IQCM: variants seen among roughly 807,000 people sequenced by gnomAD.
IQCM encodes IQ motif containing M.
IQCM carries 45 observed loss-of-function variants against 57.6 expected under a neutral mutation model. The observed-to-expected ratio is 0.78, with a 90% confidence interval of 0.62 to 1.00. The LOEUF is 1.00. Ranked by LOEUF, IQCM falls within the 50% of genes least tolerant of loss-of-function variation. The pLI is 0.00. For missense variants in IQCM, 468 were observed against 511.6 expected (o/e 0.91, Z 0.82); for synonymous variants, 148 against 158.9 (o/e 0.93, Z 0.51).
chr4:149,427,294 TTAAA>T (rs1430679745), intron 13 of IQCM, among the ~76,000 whole-genome samples: 2 of 151,992 alleles, frequency 1.3e-5, no homozygotes, highest in Non-Finnish European at 2.9e-5. Context: ...TTAATACTTG[TTAAA>T]TAAATAGATG....
intron 7 of IQCM, among the ~76,000 whole-genome samples, chr4:149,663,367 A>G (rs1204691833): frequency 6.6e-6 from 1 of 151,902 alleles, no homozygotes; most frequent in Non-Finnish European, 1.5e-5. Context: ...GAGCTTGATT[A>G]TGTATTTACC....
intron 12 of IQCM, 110 bp from the exon 13 acceptor site, chr4:149,433,667 C>T: frequency 2.4e-6 from 1 of 414,358 alleles, no homozygotes; most frequent in Non-Finnish European, 4.1e-6. Context: ...CAACAGGTCA[C>T]ACTGAAAACA....
At position 149,652,980 on chromosome 4, in the gene IQCM, A is replaced by C. The variant is rs186161127; in HGVS notation, c.565+29138T>G. Among the ~76,000 whole-genome samples the C allele has an allele frequency of 1.6e-4, 24 of 152,328 alleles. No individual in the cohort carries two copies. The East Asian group carries it at 4.4e-3, about 28-fold the overall frequency. On this transcript the variant is annotated intron_variant, in intron 7 of 13. Transcript: ENST00000636793. ...TAATCTTTTGAATAGCTAGGCAAAA[A>C]GAACAATCTGCCTATAAAAAGCAAA... is the stretch of plus-strand genomic sequence containing the variant.
intron 2 of IQCM, among the ~76,000 whole-genome samples, chr4:149,763,446 G>GAA (rs1277473298): frequency 6.6e-6 from 1 of 152,030 alleles, no homozygotes; most frequent in African/African-American, 2.4e-5. Context: ...AAGAGGCTTA[G>GAA]AAAAGCACAA....
At chr4:149,756,381 G>A (rs1480087589) in intron 2 of IQCM, among the ~76,000 whole-genome samples, 1 of 151,946 alleles carries the variant, frequency 6.6e-6, no homozygotes, top group Non-Finnish European at 1.5e-5. Context: ...AACATCTGAG[G>A]GAAAATACAA....
intron 5 of IQCM, among the ~76,000 whole-genome samples, chr4:149,687,349 G>A (rs1762618875): frequency 6.6e-6 from 1 of 151,166 alleles, no homozygotes; most frequent in Non-Finnish European, 1.5e-5. Context: ...GTGTCCTTGG[G>A]TTCTGCATCT....
At chr4:149,365,749 C>T (rs557721026) in intron 13 of IQCM, among the ~76,000 whole-genome samples, 1 of 152,102 alleles carries the variant, frequency 6.6e-6, no homozygotes, top group Admixed American at 6.6e-5. Context: ...CAGACAAATC[C>T]AAATTGAGGG....
intron 2 of IQCM, among the ~76,000 whole-genome samples, chr4:149,774,186 T>TA (rs934478136): frequency 8.6e-5 from 13 of 151,920 alleles, no homozygotes; most frequent in South Asian, 6.2e-4. Context: ...ATTGACCAGG[T>TA]AAAAAAAAAT....
chr4:149,673,897 C>A (rs1448444792), intron 7 of IQCM, among the ~76,000 whole-genome samples: 3 of 152,082 alleles, frequency 2.0e-5, no homozygotes, highest in Non-Finnish European at 4.4e-5. Flanking sequence ...TAGGAGAGTT[C>A]TAGGCCACCA....
intron 8 of IQCM, among the ~76,000 whole-genome samples, chr4:149,613,613 C>A (rs1755503055): frequency 6.6e-6 from 1 of 151,730 alleles, no homozygotes; most frequent in Non-Finnish European, 1.5e-5. Context: ...TACATGTGCA[C>A]AATGTGCAGG....
chr4:149,641,568 C>A (rs947740872), intron 7 of IQCM, among the ~76,000 whole-genome samples: 1 of 152,028 alleles, frequency 6.6e-6, no homozygotes, highest in Non-Finnish European at 1.5e-5. Context: ...TAAATGTTCT[C>A]ATTTTTTAAA....
chr4:149,613,741 C>T (rs1197491647), intron 8 of IQCM, among the ~76,000 whole-genome samples: 2 of 152,032 alleles, frequency 1.3e-5, no homozygotes, highest in African/African-American at 4.8e-5. Flanking sequence ...CACAACAGGC[C>T]CCGGTGTGTG....
chr4:149,396,391 G>A (rs1201318694), intron 13 of IQCM, among the ~76,000 whole-genome samples: 1 of 150,902 alleles, frequency 6.6e-6, no homozygotes, highest in African/African-American at 2.4e-5. Context: ...TTTAAAAAAA[G>A]AAAAAAAATA....
intron 2 of IQCM, among the ~76,000 whole-genome samples, chr4:149,804,128 T>G (rs939750168): frequency 6.6e-6 from 1 of 151,978 alleles, no homozygotes; most frequent in East Asian, 1.9e-4. Context: ...CAAGGAGATT[T>G]GGCTCTGGTA....
At chr4:149,659,513 G>A (rs184183544) in intron 7 of IQCM, among the ~76,000 whole-genome samples, 70 of 152,090 alleles carry the variant, frequency 4.6e-4, no homozygotes, top group African/African-American at 1.5e-3. Context: ...AAAAGAGCCC[G>A]CATCGCCAAG....
chr4:149,357,736 G>A (rs375727183), intron 13 of IQCM, among the ~76,000 whole-genome samples: 1 of 152,138 alleles, frequency 6.6e-6, no homozygotes, highest in African/African-American at 2.4e-5. Flanking sequence ...TCAGGCTTTG[G>A]TATCAGGATG....
intron 13 of IQCM, among the ~76,000 whole-genome samples, chr4:149,361,990 A>G (rs1212166830): frequency 1.3e-5 from 2 of 152,130 alleles, no homozygotes; most frequent in Non-Finnish European, 2.9e-5. Flanking sequence ...GGAGCTGCCC[A>G]AGACCATGGG....
chr4:149,812,333 T>G (rs571472097), intron 2 of IQCM, among the ~76,000 whole-genome samples: 1 of 152,094 alleles, frequency 6.6e-6, no homozygotes, highest in Non-Finnish European at 1.5e-5. Context: ...AATTGGAGGA[T>G]GGGAATGAGC....
intron 7 of IQCM, among the ~76,000 whole-genome samples, chr4:149,665,714 T>C (rs2150164375): frequency 6.6e-6 from 1 of 152,226 alleles, no homozygotes; most frequent in African/African-American, 2.4e-5. Context: ...ATCACACTAA[T>C]TGGACAATAA....
Sources: gnomAD v4.1 joint callset for allele counts (sites outside exome capture counted in the v4.1 genomes callset) on GRCh38, gnomAD v4.1.1 for gene constraint, MANE v1.5 for transcripts, NCBI Gene and HGNC (gene_info 2026-07-23, HGNC 2026-07-21) for gene names.